Variants in NUP98 observed in about 807,000 individuals in gnomAD.
NUP98 encodes the protein nucleoporin 98 and 96 precursor.
In NUP98, 26 loss-of-function variants were observed where a neutral mutation model predicts 191.9. The ratio of observed to expected loss-of-function variants is 0.14; its 90% CI spans 0.10 to 0.19. NUP98 has a LOEUF of 0.19. NUP98 is among the 10% of genes least tolerant of loss of function. The pLI, the probability that NUP98 is intolerant of heterozygous loss-of-function variation, is 1.00. For synonymous variants in NUP98, 808 were observed against 778.4 expected (o/e 1.04, Z -0.63); for missense variants, 1,941 against 2,178.8 (o/e 0.89, Z 2.17).
chr11:3,677,143 A>G (rs2077839687), intron 31 of NUP98, among the ~76,000 whole-genome samples: 1 of 152,232 alleles, frequency 6.6e-6, no homozygotes, highest in Non-Finnish European at 1.5e-5. Context: ...CTGAAAAATC[A>G]CAAGCCATGT....
intron 13 of NUP98, among the ~76,000 whole-genome samples, chr11:3,734,784 G>A (rs888979600): frequency 6.6e-6 from 1 of 152,144 alleles, no homozygotes; most frequent in Non-Finnish European, 1.5e-5. Flanking sequence ...AATGAGAATA[G>A]GGCTGGGCAT....
At chr11:3,689,993 C>T (rs1213713077) in intron 28 of NUP98, among the ~76,000 whole-genome samples, 7 of 144,100 alleles carry the variant, frequency 4.9e-5, no homozygotes, top group African/African-American at 7.8e-5. Context: ...GTTTCATCAC[C>T]CAGGCTGGAC....
In NUP98 at chr11:3,714,006, T is replaced by C; in HGVS notation, c.2400-11A>G. ...GTAACTTCAGCCTTCCTGTAAAACA[T>C]AACCAATTAAAGTAACCAATTAAAG... is the stretch of plus-strand genomic sequence containing the variant. On this transcript the variant is annotated splice_polypyrimidine_tract_variant and intron_variant, in intron 18 of 32. Transcript: ENST00000324932. The C allele has an allele frequency of 6.2e-7, 1 of 1,613,182 alleles. No homozygotes were observed. The highest frequency in any genetic ancestry group is 8.5e-7 in the Non-Finnish European group (1 of 1,179,712).
intron 28 of NUP98, among the ~76,000 whole-genome samples, chr11:3,686,464 T>C (rs2078135974): frequency 6.6e-6 from 1 of 152,244 alleles, no homozygotes; most frequent in Admixed American, 6.5e-5. Context: ...TTTACCATCC[T>C]GATACAGGGA....
At chr11:3,755,252 T>C (rs1306476453) in intron 10 of NUP98, among the ~76,000 whole-genome samples, 1 of 150,828 alleles carries the variant, frequency 6.6e-6, no homozygotes, top group African/African-American at 2.4e-5. Flanking sequence ...GGAAAGGAGT[T>C]TAAGACTAGC....
At chr11:3,785,865 A>T (rs1329392910) in intron 1 of NUP98, among the ~76,000 whole-genome samples, 1 of 152,208 alleles carries the variant, frequency 6.6e-6, no homozygotes, top group African/African-American at 2.4e-5. Context: ...TTAAAAAAAA[A>T]AAGTAATCCT....
chr11:3,784,565 G>A, intron 1 of NUP98, among the ~76,000 whole-genome samples: 1 of 141,348 alleles, frequency 7.1e-6, no homozygotes, highest in African/African-American at 2.7e-5. Flanking sequence ...AACACAGCAA[G>A]ACTCTGTCTC....
At chr11:3,683,635 T>G (rs2078045404) in intron 29 of NUP98, among the ~76,000 whole-genome samples, 194 bp from the exon 30 acceptor site, 1 of 151,798 alleles carries the variant, frequency 6.6e-6, no homozygotes, top group South Asian at 2.1e-4. Flanking sequence ...ACCTCCCAGG[T>G]TCAAGTGATT....
At chr11:3,680,802 C>T (rs900742432) in intron 30 of NUP98, among the ~76,000 whole-genome samples, 1 of 152,110 alleles carries the variant, frequency 6.6e-6, no homozygotes, top group Non-Finnish European at 1.5e-5. Context: ...CTCATCTTGG[C>T]CCCCCAAAGT....
intron 14 of NUP98, among the ~76,000 whole-genome samples, chr11:3,728,990 T>G (rs1018224921): frequency 1.3e-5 from 2 of 152,164 alleles, no homozygotes; most frequent in Non-Finnish European, 2.9e-5. Context: ...AATGCAATCA[T>G]CTGAGACAGG....
rs1452643460 is a variant in NUP98, at chr11:3,771,786, C to G, written c.746G>C (p.Gly249Ala). The G allele has an allele frequency of 6.2e-7, 1 of 1,614,152 alleles. No individual in the cohort carries two copies. Among genetic ancestry groups the G allele is most frequent in the Admixed American group, 1.7e-5 (1 of 60,010 alleles). The change falls in exon 7 of 33, where the codon GGC (glycine) becomes GCC (alanine). Residue 249 changes from glycine (G) to alanine (A), a missense_variant. Transcript: ENST00000324932. Reference sequence around the variant, plus strand: ...AGTTTTGTTCTGACCATATGCAAAGCCTGAATTAGTGGTGGAGGAGCTGAA... The same window carrying G: ...AGTTTTGTTCTGACCATATGCAAAGGCTGAATTAGTGGTGGAGGAGCTGAA... ...GLFSSSTTNS[G>A]FAYGQNKTAF...
At chr11:3,761,297 T>C (rs2081158808) in intron 9 of NUP98, among the ~76,000 whole-genome samples, 1 of 152,184 alleles carries the variant, frequency 6.6e-6, no homozygotes, top group Admixed American at 6.6e-5. Context: ...ACAAATTGTA[T>C]GGCATGTGGA....
chr11:3,783,687 G>C (rs1464029018), intron 1 of NUP98, among the ~76,000 whole-genome samples: 2 of 152,048 alleles, frequency 1.3e-5, no homozygotes, highest in Non-Finnish European at 2.9e-5. Context: ...TGACAAGAAT[G>C]AAACTCTGTC....
At chr11:3,694,572 C>G (rs1405850087) in intron 26 of NUP98, among the ~76,000 whole-genome samples, 2 of 151,542 alleles carry the variant, frequency 1.3e-5, no homozygotes, top group African/African-American at 4.8e-5. Flanking sequence ...AACCCTGTCT[C>G]TACTTAAAAT....
At chr11:3,757,044 T>C (rs2080983076) in intron 10 of NUP98, among the ~76,000 whole-genome samples, 1 of 150,982 alleles carries the variant, frequency 6.6e-6, no homozygotes. Flanking sequence ...ACCGAGATCG[T>C]GCCGCTGCAC....
intron 29 of NUP98, 106 bp from the exon 30 acceptor site, chr11:3,683,547 T>A: frequency 7.9e-6 from 2 of 252,826 alleles, no homozygotes; most frequent in South Asian, 9.2e-5. Context: ...CTGCAGGTCT[T>A]TTTTTTTTTT....
intron 1 of NUP98, among the ~76,000 whole-genome samples, 180 bp from the exon 2 acceptor site, chr11:3,782,325 T>C (rs1260198060): frequency 2.0e-5 from 3 of 152,182 alleles, no homozygotes; most frequent in African/African-American, 7.2e-5. Context: ...ATCTACAATG[T>C]TCCTGAGCTG....
chr11:3,681,106 C>T (rs1329435872), intron 30 of NUP98, among the ~76,000 whole-genome samples: 3 of 152,162 alleles, frequency 2.0e-5, no homozygotes, highest in East Asian at 1.9e-4. Flanking sequence ...CTGGCATGGT[C>T]GTGGCTCACT....
intron 11 of NUP98, among the ~76,000 whole-genome samples, chr11:3,750,384 C>T (rs147733768): frequency 1.1e-3 from 162 of 152,288 alleles, no homozygotes; most frequent in African/African-American, 3.3e-3. Context: ...GCATGAGCCA[C>T]CTCATCCAGC....
Sources: gnomAD v4.1 joint callset for allele counts (sites outside exome capture counted in the v4.1 genomes callset) on GRCh38, gnomAD v4.1.1 for gene constraint, MANE v1.5 for transcripts, NCBI Gene and HGNC (gene_info 2026-07-23, HGNC 2026-07-21) for gene names.